DSPP: variants seen among roughly 807,000 people sequenced by gnomAD.
The protein encoded by DSPP is deafness, autosomal dominant 39.
In DSPP, 28 loss-of-function variants were observed where a neutral mutation model predicts 29.1. The observed-to-expected ratio is 0.96, with a 90% CI of 0.71 to 1.32. The LOEUF (loss-of-function observed/expected upper bound fraction) is 1.32. Ranked by LOEUF, DSPP falls within the 40% of genes most tolerant of loss-of-function variation. The probability of loss-of-function intolerance (pLI) is 0.00; values close to 1 mark genes in which losing one functional copy is unlikely to be tolerated. For missense variants in DSPP, 1,281 were observed against 1,629.9 expected, an observed-to-expected ratio of 0.79 and a Z score of 3.69; for synonymous variants, 481 against 503.4, an observed-to-expected ratio of 0.96 and a Z score of 0.60.
rs1462562838 is a variant in DSPP, at chr4:87,614,455, G to A, written c.1793G>A (p.Ser598Asn). The A allele has an allele frequency of 6.4e-7, 1 of 1,552,158 alleles. No individual in the cohort carries two copies. The highest frequency in any genetic ancestry group is 8.7e-7 in the Non-Finnish European group (1 of 1,147,360). ...SDSSDSDSSD[S>N]SNSSDSSDSS... The stretch of plus-strand genomic sequence containing the variant: ...AGCAGTGACAGTGATAGTAGTGATA[G>A]CAGCAATAGCAGTGACAGTAGTGAC... The change falls in exon 5 of 5, where the codon AGC becomes AAC. Residue 598 changes from serine to asparagine, a missense_variant. By Grantham distance (46) the Ser-to-Asn change is conservative. Transcript: ENST00000651931.
chr4:87,615,146 T>C lies in DSPP; in HGVS notation c.2484T>C (p.Asn828=), dbSNP rs547537523. The part of the protein sequence containing the change: ...SDSSNSSDSS[N]SSDSSDSSNS... ...GCAGCAATAGCAGTGACAGCAGTAA[T>C]AGTAGTGACAGCAGCGATAGCAGCA... The change falls in exon 5 of 5, where the codon AAT becomes AAC. Residue 828 remains asparagine (N), a synonymous_variant. Coordinates refer to ENST00000651931, the MANE Select transcript of DSPP (RefSeq NM_014208.3). The C allele has an allele frequency of 7.8e-6, 12 of 1,535,430 alleles. No individual in the cohort carries two copies. The highest frequency in any genetic ancestry group is 1.7e-4 in the Middle Eastern group (1 of 5,904).
Position 87,616,126 on chromosome 4 carries a change from ACAG to A in DSPP, c.3469_3471del (p.Ser1157del), listed in dbSNP as rs1727923998. 6.5e-7 allele frequency: 1 copy of A among 1,539,976 alleles called. No individual in the cohort carries two copies. Among genetic ancestry groups the A allele is most frequent in the Non-Finnish European group, 8.8e-7 (1 of 1,141,634 alleles). ...AGCAGTGAAAGCAGCGACAGCAGTGACAGCAGCGACAGCAGTGACAGCAGCGAT... is the reference window on the plus strand; with the variant it reads ...AGCAGTGAAAGCAGCGACAGCAGTGACAGCGACAGCAGTGACAGCAGCGAT... On this transcript the variant is annotated inframe_deletion, in exon 5 of 5. Coordinates refer to ENST00000651931, the MANE Select transcript of DSPP (RefSeq NM_014208.3).
chr4:87,615,827 CAATAGCAGTGACAGCAGT>C lies in DSPP; in HGVS notation c.3166_3183del (p.Asn1056_Ser1061del), dbSNP rs1727894688. ...ATAGCAGTGACAGCAGTGACAGCAG[CAATAGCAGTGACAGCAGT>C]GACAGCAGCGACAGCAGTGATAGCA... On this transcript the variant is annotated inframe_deletion, in exon 5 of 5. Transcript: ENST00000651931. 6.6e-7 allele frequency: 1 copy of C among 1,523,726 alleles called. No homozygotes were observed. Among genetic ancestry groups the C allele is most frequent in the African/African-American group, 1.5e-5 (1 of 65,866 alleles). The allele number at this position is 1,523,726 out of a possible 1,614,324, so 94.4% of individuals were successfully genotyped here. A position where few individuals can be genotyped will look rare whatever the true frequency, so the allele number is the denominator to read the frequency against.
rs33940466 is a variant in DSPP at position 87,611,030 on chromosome 4, AGTGT to A, written c.51+101_51+104del. On this transcript the variant is annotated intron_variant, in intron 2 of 4. Transcript: ENST00000651931. Reference sequence around the variant, plus strand: ...TTAACCTAACATTAATACAAAATGTAGTGTGTGTGTGTGTGTGTGTGTGTGTGTG... The same window carrying A: ...TTAACCTAACATTAATACAAAATGTAGTGTGTGTGTGTGTGTGTGTGTGTG... 0.037 allele frequency: 29,782 copies of A among 814,044 alleles called. 163 individuals carry two copies. The highest frequency in any genetic ancestry group is 0.069 in the African/African-American group (3,898 of 56,742). 50.4% of individuals were successfully genotyped at this position (814,044 alleles called of 1,614,324 possible). A position where few individuals can be genotyped will look rare whatever the true frequency, so the allele number is the denominator to read the frequency against.
intron 1 of DSPP, among the ~76,000 whole-genome samples, chr4:87,610,669 G>A (rs1727716670): frequency 6.6e-6 from 1 of 152,078 alleles, no homozygotes; most frequent in Admixed American, 6.6e-5. Flanking sequence ...ATTGGCACAG[G>A]CAGAAAAAAA....
rs375254120 is a variant in DSPP, at chr4:87,614,237, C to T, written c.1575C>T (p.Asp525=). The T allele has an allele frequency of 1.2e-5, 19 of 1,614,064 alleles. No homozygotes were observed. The highest frequency in any genetic ancestry group is 1.4e-5 in the Non-Finnish European group (17 of 1,180,046). Reference sequence around the variant, plus strand: ...GCACATCAGACACTAATAATAGTGACAGTAATGGCAATGGTAACAATGGGA... The same window carrying T: ...GCACATCAGACACTAATAATAGTGATAGTAATGGCAATGGTAACAATGGGA... The part of the protein sequence containing the change: ...SDSTSDTNNS[D]SNGNGNNGND... The change falls in exon 5 of 5, where the codon GAC becomes GAT. Residue 525 remains aspartate (D), a synonymous_variant. Transcript: ENST00000651931.
In DSPP at chr4:87,616,769, T is replaced by A; in HGVS notation, c.*201T>A. 1.3e-6 allele frequency: 1 copy of A among 762,912 alleles called. No individual in the cohort carries two copies. Among genetic ancestry groups the A allele is most frequent in the Non-Finnish European group, 2.1e-6 (1 of 477,954 alleles). 47.3% of individuals were successfully genotyped at this position (762,912 alleles called of 1,614,324 possible). ...AGAGACAGACTCTGAATGCATGACCTTTGGTACATGCCTGTTAATATTCAT... is the reference window on the plus strand; with the variant it reads ...AGAGACAGACTCTGAATGCATGACCATTGGTACATGCCTGTTAATATTCAT... On this transcript the variant is annotated 3_prime_UTR_variant, in exon 5 of 5. Coordinates refer to ENST00000651931, the MANE Select transcript of DSPP (RefSeq NM_014208.3).
chr4:87,613,801 G>T lies in DSPP; in HGVS notation c.1139G>T (p.Gly380Val). The change falls in exon 5 of 5, where the codon GGT becomes GTT. Residue 380 changes from glycine (G) to valine (V), a missense_variant. By Grantham distance (109) the Gly-to-Val change is moderately radical. This residue lies in a region of DSPP where 631 missense variants were observed against 643.2 expected (regional missense o/e 0.98). Coordinates refer to ENST00000651931, the MANE Select transcript of DSPP (RefSeq NM_014208.3). ...KSQDKGIEIKGPSSGNRNITK... is the reference protein window; with the variant it reads ...KSQDKGIEIKVPSSGNRNITK... ...CTTCCATAGGGAATAGAAATCAAGG[G>T]TCCCAGCAGTGGCAACAGAAATATT... The T allele has an allele frequency of 6.2e-7, 1 of 1,614,126 alleles. No individual in the cohort carries two copies. The highest frequency in any genetic ancestry group is 8.5e-7 in the Non-Finnish European group (1 of 1,180,032).
chr4:87,615,811 A>G lies in DSPP; in HGVS notation c.3149A>G (p.Asp1050Gly). ...AGCAGTGACAGCAGCGATAGCAGTG[A>G]CAGCAGTGACAGCAGCAATAGCAGT... Reference protein sequence around the residue: ...SDSSDSSDSSDSSDSSNSSDS... With the variant: ...SDSSDSSDSSGSSDSSNSSDS... The change falls in exon 5 of 5, where the codon GAC (aspartate) becomes GGC (glycine). Residue 1050 changes from aspartate (D) to glycine (G), a missense_variant. Around this residue, in one of 4 missense-constraint regions of DSPP, gnomAD observed 72 missense variants for 190.3 expected, o/e 0.38. Transcript: ENST00000651931. 1 of 1,532,970 alleles carries G rather than the reference A, an allele frequency of 6.5e-7. No individual in the cohort carries two copies. The highest frequency in any genetic ancestry group is 1.6e-5 in the African/African-American group (1 of 62,016). The allele number at this position is 1,532,970 out of a possible 1,614,324, so 95.0% of individuals were successfully genotyped here. A position where few individuals can be genotyped will look rare whatever the true frequency, so the allele number is the denominator to read the frequency against.
chr4:87,610,884 T>C lies in DSPP; in HGVS notation c.-25T>C. The C allele has an allele frequency of 2.5e-6, 4 of 1,596,258 alleles. No individual in the cohort carries two copies. Among genetic ancestry groups the C allele is most frequent in the Non-Finnish European group, 2.6e-6 (3 of 1,163,776 alleles). On this transcript the variant is annotated 5_prime_UTR_variant, in exon 2 of 5. Coordinates refer to ENST00000651931, the MANE Select transcript of DSPP (RefSeq NM_014208.3). ...GTGCTGTTCCTTTTTTATACAGCCA[T>C]TGATTATTATTATTCCTAAAGAAAA...
rs1380215923 is a variant in DSPP, at chr4:87,615,785, TAGC to T, written c.3126_3128del (p.Ser1043del). 7.7e-6 allele frequency: 11 copies of T among 1,433,172 alleles called. No homozygotes were observed. Among genetic ancestry groups the T allele is most frequent in the Non-Finnish European group, 1.0e-5 (11 of 1,085,992 alleles). The allele number at this position is 1,433,172 out of a possible 1,614,324, so 88.8% of individuals were successfully genotyped here. On this transcript the variant is annotated inframe_deletion, in exon 5 of 5. Coordinates refer to ENST00000651931, the MANE Select transcript of DSPP (RefSeq NM_014208.3). ...GCAGCGATAGCAGTGACAGCAGCGATAGCAGTGACAGCAGCGATAGCAGTGACA... is the reference window on the plus strand; with the variant it reads ...GCAGCGATAGCAGTGACAGCAGCGATAGTGACAGCAGCGATAGCAGTGACA...
Position 87,613,802 on chromosome 4 carries a change from T to G in DSPP, c.1140T>G (p.Gly380=), listed in dbSNP as rs775040962. Residue 380 remains glycine, a synonymous_variant, in exon 5 of 5, where the codon GGT becomes GGG. Transcript: ENST00000651931. ...TTCCATAGGGAATAGAAATCAAGGG[T>G]CCCAGCAGTGGCAACAGAAATATTA... ...KSQDKGIEIK[G]PSSGNRNITK... is the part of the protein sequence containing the mutation. 1 of 1,614,014 alleles carries G rather than the reference T, an allele frequency of 6.2e-7. No homozygotes were observed. Among genetic ancestry groups the G allele is most frequent in the Non-Finnish European group, 8.5e-7 (1 of 1,180,020 alleles).
In DSPP at chr4:87,612,543, TG is replaced by T. The variant is rs1560477651; in HGVS notation, c.359del (p.Gly120ValfsTer21). 6.2e-7 allele frequency: 1 copy of T among 1,613,936 alleles called. No individual in the cohort carries two copies. The highest frequency in any genetic ancestry group is 8.5e-7 in the Non-Finnish European group (1 of 1,179,912). On this transcript the variant is annotated frameshift_variant, in exon 4 of 5. Coordinates refer to ENST00000651931, the MANE Select transcript of DSPP (RefSeq NM_014208.3). LOFTEE classifies it high-confidence loss of function. ...GGGACACAGGAAAAGCAGAAACATA[TG>T]GTCATGATGGAATACATGGGAAAGA... Reference protein sequence around the residue: ...NGDTGKAETYGHDGIHGKEEN... With the variant: ...NGDTGKAETYXHDGIHGKEEN...
chr4:87,611,744 G>C lies in DSPP; in HGVS notation c.52-361G>C, dbSNP rs530654788. 7.9e-5 allele frequency among the ~76,000 whole-genome samples: 12 copies of C among 152,244 alleles called. No individual in the cohort carries two copies. The East Asian group carries it at 1.9e-3, about 24-fold the overall frequency. ...TTTTCATCAGGATTACACTTAGAGCGGGTTTGTGCTAGTGCAAGAGGCTTT... is the reference window on the plus strand; with the variant it reads ...TTTTCATCAGGATTACACTTAGAGCCGGTTTGTGCTAGTGCAAGAGGCTTT... On this transcript the variant is annotated intron_variant, in intron 2 of 4. Transcript: ENST00000651931.
intron 2 of DSPP, among the ~76,000 whole-genome samples, chr4:87,611,578 TACCA>T (rs1727735919): frequency 1.3e-5 from 2 of 152,202 alleles, no homozygotes; most frequent in Admixed American, 6.5e-5. Context: ...GCTTTCATAA[TACCA>T]AACATTTGGT....
chr4:87,615,079 G>C lies in DSPP; in HGVS notation c.2417G>C (p.Ser806Thr). The C allele has an allele frequency of 1.3e-6, 2 of 1,548,652 alleles. No homozygotes were observed. The highest frequency in any genetic ancestry group is 1.7e-6 in the Non-Finnish European group (2 of 1,146,338). Residue 806 changes from serine (S) to threonine (T), a missense_variant, in exon 5 of 5, where the codon AGC (serine) becomes ACC (threonine). Transcript: ENST00000651931. ...AGCAACAGCAGTGATAGCAGCAACA[G>C]CAGTGATAGCAGTGATAGCAGTGAC... ...DSSNSSDSSNSSDSSDSSDSS... is the reference protein window; with the variant it reads ...DSSNSSDSSNTSDSSDSSDSS...
rs139477341 is a variant in DSPP, at chr4:87,610,485, T to A, written c.-28-396T>A. Among the ~76,000 whole-genome samples, 486 of 152,344 alleles carry A rather than the reference T, an allele frequency of 3.2e-3. 3 individuals are homozygous for A. The highest frequency in any genetic ancestry group is 0.011 in the African/African-American group (450 of 41,568). Reference sequence around the variant, plus strand: ...CTTAAAGTCTGGTATAGCTCAATTCTATAGATTTGGAGTAAGGATGACAAG... The same window carrying A: ...CTTAAAGTCTGGTATAGCTCAATTCAATAGATTTGGAGTAAGGATGACAAG... On this transcript the variant is annotated intron_variant, in intron 1 of 4. Transcript: ENST00000651931.
Position 87,613,191 on chromosome 4 carries a change from C to T in DSPP, c.1005C>T (p.Asp335=). The T allele has an allele frequency of 6.2e-7, 1 of 1,614,052 alleles. No individual in the cohort carries two copies. Among genetic ancestry groups the T allele is most frequent in the South Asian group, 1.1e-5 (1 of 91,072 alleles). Residue 335 remains aspartate, a synonymous_variant, in exon 4 of 5, where the codon GAC becomes GAT. Transcript: ENST00000651931. ...SEENSAGIPE[D]NGSQRIEDTQ... is the part of the protein sequence containing the mutation. The stretch of plus-strand genomic sequence containing the variant: ...AGAATTCTGCTGGTATTCCAGAAGA[C>T]AATGGCAGCCAAAGAATAGAGGACA...
rs1727861403 is a variant in DSPP, at chr4:87,615,370, GTGA to G, written c.2709_2711del (p.Asp904del). ...AGTGATAGCAGCAACAGCAGTGATA[GTGA>G]CAGCAGTGATAGCAGCAACAGCAGT... On this transcript the variant is annotated inframe_deletion, in exon 5 of 5. Coordinates refer to ENST00000651931, the MANE Select transcript of DSPP (RefSeq NM_014208.3). 6.6e-7 allele frequency: 1 copy of G among 1,517,690 alleles called. No homozygotes were observed. The highest frequency in any genetic ancestry group is 1.4e-5 in the African/African-American group (1 of 70,344). The allele number at this position is 1,517,690 out of a possible 1,614,324, so 94.0% of individuals were successfully genotyped here. A position where few individuals can be genotyped will look rare whatever the true frequency, so the allele number is the denominator to read the frequency against.
Sources: gnomAD v4.1 joint callset for allele counts (sites outside exome capture counted in the v4.1 genomes callset) on GRCh38, gnomAD v4.1.1 for gene constraint, gnomAD v4.1.1 regional missense constraint, MANE v1.5 for transcripts, NCBI Gene and HGNC (gene_info 2026-07-23, HGNC 2026-07-21) for gene names.